The following PPFIA2 variants were observed in gnomAD, a reference collection of about 807,000 sequenced individuals.
PPFIA2 encodes PPFI scaffold protein A2.
In PPFIA2, 46 loss-of-function variants were observed where a neutral mutation model predicts 175.5. The ratio of observed to expected loss-of-function variants is 0.26; its 90% CI spans 0.21 to 0.34. The LOEUF (loss-of-function observed/expected upper bound fraction) is 0.34. Ranked by LOEUF, PPFIA2 falls within the 10% of genes least tolerant of loss-of-function variation. PPFIA2 has a pLI of 1.00. For synonymous variants in PPFIA2, 568 were observed against 511.4 expected (o/e 1.11, Z -1.49); for missense variants, 1,179 against 1,506.1 (o/e 0.78, Z 3.60).
chr12:81,661,478 C>G (rs2068858365), intron 4 of PPFIA2, among the ~76,000 whole-genome samples: 1 of 152,130 alleles, frequency 6.6e-6, no homozygotes, highest in Admixed American at 6.6e-5. Context: ...GTAAAGGGAT[C>G]AATTCAACAA....
At chr12:81,737,066 A>G (rs1289387737) in intron 3 of PPFIA2, among the ~76,000 whole-genome samples, 1 of 151,910 alleles carries the variant, frequency 6.6e-6, no homozygotes, top group Non-Finnish European at 1.5e-5. Flanking sequence ...AACTAGAAAA[A>G]TTGGGTAATT....
intron 22 of PPFIA2, among the ~76,000 whole-genome samples, chr12:81,311,671 T>C (rs971747756): frequency 6.8e-6 from 1 of 146,138 alleles, no homozygotes; most frequent in Non-Finnish European, 1.5e-5. Context: ...AGGCGGAGCT[T>C]GCAGTGAGCC....
chr12:81,606,381 T>C (rs1026912408), intron 4 of PPFIA2, among the ~76,000 whole-genome samples: 1 of 152,064 alleles, frequency 6.6e-6, no homozygotes, highest in Non-Finnish European at 1.5e-5. Flanking sequence ...TTTAAGTTAT[T>C]TGAAATATCT....
At chr12:81,651,118 A>G (rs937509057) in intron 4 of PPFIA2, among the ~76,000 whole-genome samples, 3 of 152,198 alleles carry the variant, frequency 2.0e-5, no homozygotes, top group Non-Finnish European at 4.4e-5. Context: ...GAATCTGGCT[A>G]TATAGTAAAG....
At chr12:81,462,469 C>A (rs1295243488) in intron 4 of PPFIA2, among the ~76,000 whole-genome samples, 1 of 146,228 alleles carries the variant, frequency 6.8e-6, no homozygotes, top group Non-Finnish European at 1.5e-5. Context: ...CTGCTTTAAC[C>A]TTCTGATAAT....
Position 81,452,697 on chromosome 12 carries a change from A to C in PPFIA2, c.405+5068T>G, listed in dbSNP as rs186081978. On this transcript the variant is annotated intron_variant, in intron 5 of 32. Transcript: ENST00000549396. The stretch of plus-strand genomic sequence containing the variant: ...TATTTTCTACCCATTGATGAAATAC[A>C]TTTGGATGACATTATTAACTCGTAC... Among the ~76,000 whole-genome samples, 666 of 152,316 alleles carry C rather than the reference A, an allele frequency of 4.4e-3. 18 individuals carry two copies. The highest frequency in any genetic ancestry group is 0.039 in the Admixed American group (604 of 15,298).
intron 11 of PPFIA2, among the ~76,000 whole-genome samples, chr12:81,371,921 A>T (rs931369999): frequency 1.3e-5 from 2 of 150,786 alleles, no homozygotes; most frequent in African/African-American, 4.8e-5. Flanking sequence ...ACACACACAC[A>T]CACACAAACA....
At chr12:81,728,726 T>A (rs2153637427) in intron 3 of PPFIA2, among the ~76,000 whole-genome samples, 1 of 151,608 alleles carries the variant, frequency 6.6e-6, no homozygotes, top group Admixed American at 6.6e-5. Flanking sequence ...ACAGATTTCC[T>A]TGCCATTAAA....
At chr12:81,628,843 A>G (rs1459965790) in intron 4 of PPFIA2, among the ~76,000 whole-genome samples, 1 of 152,184 alleles carries the variant, frequency 6.6e-6, no homozygotes, top group Non-Finnish European at 1.5e-5. Context: ...TTTCCTGGTC[A>G]CATTTGCAGG....
chr12:81,565,012 C>G (rs1339111476), intron 4 of PPFIA2, among the ~76,000 whole-genome samples: 2 of 152,116 alleles, frequency 1.3e-5, no homozygotes, highest in Non-Finnish European at 2.9e-5. Context: ...AGAATAGGAC[C>G]CTGCAACTCG....
At chr12:81,324,450 G>T (rs1183663011) in intron 22 of PPFIA2, among the ~76,000 whole-genome samples, 6 of 151,982 alleles carry the variant, frequency 3.9e-5, no homozygotes, top group Non-Finnish European at 8.8e-5. Context: ...GGAGAAATGA[G>T]AATTAACTTT....
At chr12:81,284,915 A>T (rs1395211219) in intron 24 of PPFIA2, among the ~76,000 whole-genome samples, 1 of 152,180 alleles carries the variant, frequency 6.6e-6, no homozygotes, top group African/African-American at 2.4e-5. Flanking sequence ...GAAAGAAGTG[A>T]AATGCTATTT....
chr12:81,435,919 A>G (rs1332216276), intron 7 of PPFIA2, among the ~76,000 whole-genome samples: 1 of 152,118 alleles, frequency 6.6e-6, no homozygotes, highest in Non-Finnish European at 1.5e-5. Context: ...GGCAATATGA[A>G]CTCAGAAAAC....
At chr12:81,304,915 C>G (rs1311220082) in intron 22 of PPFIA2, among the ~76,000 whole-genome samples, 1 of 151,916 alleles carries the variant, frequency 6.6e-6, no homozygotes, top group East Asian at 1.9e-4. Context: ...GAGGATAGCA[C>G]GGACTTGAGT....
intron 3 of PPFIA2, among the ~76,000 whole-genome samples, chr12:81,744,860 G>A (rs1295031534): frequency 6.6e-6 from 1 of 152,210 alleles, no homozygotes; most frequent in East Asian, 1.9e-4. Flanking sequence ...TCATTAATGG[G>A]ATCCTGGTGA....
At chr12:81,279,760 G>C (rs543365610) in intron 27 of PPFIA2, among the ~76,000 whole-genome samples, 1 of 151,820 alleles carries the variant, frequency 6.6e-6, no homozygotes, top group South Asian at 2.1e-4. Context: ...CGGAAAAACC[G>C]GACCCCAAAA....
At chr12:81,598,499 A>G (rs2153453029) in intron 4 of PPFIA2, 1 of 357,016 alleles carries the variant, frequency 2.8e-6, no homozygotes. Context: ...CTTCTGACTA[A>G]CCTGAAGCAT....
At chr12:81,397,303 A>G (rs2041314017) in intron 8 of PPFIA2, among the ~76,000 whole-genome samples, 1 of 152,032 alleles carries the variant, frequency 6.6e-6, no homozygotes, top group Non-Finnish European at 1.5e-5. Flanking sequence ...TTGTCATGCC[A>G]AGACAGACTT....
At chr12:81,375,076 G>T (rs763210941) in intron 10 of PPFIA2, among the ~76,000 whole-genome samples, 2 of 152,050 alleles carry the variant, frequency 1.3e-5, no homozygotes, top group Non-Finnish European at 1.5e-5. Flanking sequence ...ATATACCACC[G>T]TAGCAAAATA....
Sources: allele counts gnomAD v4.1 joint callset (sites outside exome capture counted in the v4.1 genomes callset), GRCh38; gene constraint gnomAD v4.1.1; transcripts MANE v1.5; gene names NCBI Gene and HGNC (gene_info 2026-07-23, HGNC 2026-07-21).